FSTL5: variants seen among roughly 807,000 people sequenced by gnomAD.
The protein encoded by FSTL5 is follistatin like 5, also known as follistatin-related protein 5.
FSTL5 carries 62 observed loss-of-function variants against 89.1 expected under a neutral mutation model. The observed-to-expected ratio is 0.70, with a 90% CI of 0.57 to 0.86. The LOEUF (loss-of-function observed/expected upper bound fraction) is 0.86, where lower values mean the gene tolerates loss of function less well. Among genes scored for constraint, FSTL5 ranks in the 40% least tolerant of loss-of-function variants. The pLI is 0.00. For missense variants in FSTL5, 1,057 were observed against 1,001.6 expected (o/e 1.06, Z -0.75); for synonymous variants, 383 against 346.2 (o/e 1.11, Z -1.18).
intron 13 of FSTL5, among the ~76,000 whole-genome samples, chr4:161,480,767 G>C (rs895941363): frequency 6.6e-6 from 1 of 152,082 alleles, no homozygotes; most frequent in Non-Finnish European, 1.5e-5. Flanking sequence ...GATTTGTGTG[G>C]AGCTAGGCAG....
chr4:162,035,553 A>G (rs1213484284), intron 2 of FSTL5, among the ~76,000 whole-genome samples: 2 of 152,120 alleles, frequency 1.3e-5, no homozygotes, highest in Admixed American at 1.3e-4. Flanking sequence ...AGGAAATTTA[A>G]TAGGAAATAC....
intron 7 of FSTL5, among the ~76,000 whole-genome samples, chr4:161,598,297 C>A (rs1008864697): frequency 1.3e-5 from 2 of 152,122 alleles, no homozygotes; most frequent in Admixed American, 6.6e-5. Flanking sequence ...ATAGCTTGAA[C>A]CCGGAAGGCA....
At chr4:161,406,935 C>T (rs1403308821) in intron 15 of FSTL5, among the ~76,000 whole-genome samples, 2 of 152,158 alleles carry the variant, frequency 1.3e-5, no homozygotes, top group Non-Finnish European at 2.9e-5. Context: ...CTGCCTATTA[C>T]AGTGTTCAAT....
chr4:161,836,868 T>A (rs1223677836), intron 4 of FSTL5, among the ~76,000 whole-genome samples: 1 of 152,108 alleles, frequency 6.6e-6, no homozygotes, highest in East Asian at 1.9e-4. Context: ...TTTCCTTATT[T>A]TATGATTTGA....
intron 6 of FSTL5, among the ~76,000 whole-genome samples, chr4:161,676,635 C>T (rs1188906032): frequency 6.6e-6 from 1 of 151,460 alleles, no homozygotes; most frequent in Non-Finnish European, 1.5e-5. Context: ...CATATGTATC[C>T]CAGAACTTAA....
rs116301880 is a variant in FSTL5, at chr4:161,910,352, G to A, written c.409+10052C>T. Among the ~76,000 whole-genome samples, 809 of 151,980 alleles carry A rather than the reference G, an allele frequency of 5.3e-3. 7 individuals are homozygous for A. The highest frequency in any genetic ancestry group is 0.018 in the African/African-American group (744 of 41,454). ...AGTCCCTTGGCATTTTCTCTTTATT[G>A]TCATACTTATAGCTCATAAATATAT... On this transcript the variant is annotated intron_variant, in intron 4 of 15. Transcript: ENST00000306100.
intron 3 of FSTL5, among the ~76,000 whole-genome samples, chr4:161,983,704 C>T (rs1476043685): frequency 6.6e-6 from 1 of 152,052 alleles, no homozygotes; most frequent in Admixed American, 6.5e-5. Flanking sequence ...AAATTAGAGA[C>T]ATATCTTATG....
At chr4:161,809,273 C>T (rs1255982806) in intron 4 of FSTL5, among the ~76,000 whole-genome samples, 1 of 151,980 alleles carries the variant, frequency 6.6e-6, no homozygotes, top group Non-Finnish European at 1.5e-5. Context: ...TAACATCACA[C>T]CAATTAGAAT....
At chr4:161,812,386 G>A (rs910382916) in intron 4 of FSTL5, among the ~76,000 whole-genome samples, 9 of 152,142 alleles carry the variant, frequency 5.9e-5, no homozygotes, top group African/African-American at 2.2e-4. Context: ...CTGCAGAGAA[G>A]TGGCTCAGAA....
At chr4:161,446,554 A>G (rs1050988334) in intron 15 of FSTL5, among the ~76,000 whole-genome samples, 15 of 152,040 alleles carry the variant, frequency 9.9e-5, no homozygotes, top group Non-Finnish European at 1.8e-4. Flanking sequence ...AAAATAATAT[A>G]TCCACTTAAT....
intron 4 of FSTL5, among the ~76,000 whole-genome samples, chr4:161,783,497 C>CT (rs1209549893): frequency 1.3e-5 from 2 of 151,374 alleles, no homozygotes; most frequent in Non-Finnish European, 2.9e-5. Context: ...TTCTTTCTTT[C>CT]TTTTTTCTTT....
intron 8 of FSTL5, among the ~76,000 whole-genome samples, chr4:161,577,574 A>G (rs1424810682): frequency 6.6e-6 from 1 of 152,048 alleles, no homozygotes; most frequent in African/African-American, 2.4e-5. Context: ...GAGAACTGAA[A>G]GGTCTCACTG....
intron 1 of FSTL5, among the ~76,000 whole-genome samples, chr4:162,139,303 A>T (rs1207513459): frequency 6.6e-6 from 1 of 152,038 alleles, no homozygotes; most frequent in African/African-American, 2.4e-5. Context: ...CATATACCTT[A>T]ATGGAGTTCT....
chr4:161,436,304 A>C (rs1281972319), intron 15 of FSTL5, among the ~76,000 whole-genome samples: 1 of 152,086 alleles, frequency 6.6e-6, no homozygotes, highest in Non-Finnish European at 1.5e-5. Context: ...TTCTCAGGAG[A>C]TTTACATACT....
At chr4:162,078,460 T>C (rs1334272608) in intron 2 of FSTL5, among the ~76,000 whole-genome samples, 1 of 151,844 alleles carries the variant, frequency 6.6e-6, no homozygotes, top group Non-Finnish European at 1.5e-5. Context: ...AAGTTCATGG[T>C]ACAAGATGAG....
chr4:161,893,557 GAAC>G lies in FSTL5; in HGVS notation c.409+26844_409+26846del, dbSNP rs557359008. ...GCTTCATACTATTTCCAATCAAACA[GAAC>G]AATAGAAAAAAGTCACTAAATGTCA... On this transcript the variant is annotated intron_variant, in intron 4 of 15. Transcript: ENST00000306100. Among the ~76,000 whole-genome samples the G allele has an allele frequency of 1.5e-3, 230 of 152,076 alleles. 1 individual carries two copies. The highest frequency in any genetic ancestry group is 4.9e-3 in the African/African-American group (205 of 41,514).
At chr4:162,065,763 A>G (rs1047223020) in intron 2 of FSTL5, among the ~76,000 whole-genome samples, 54 of 152,050 alleles carry the variant, frequency 3.6e-4, no homozygotes, top group African/African-American at 1.3e-3. Context: ...CTTCAACTCT[A>G]TGTTCACTGT....
rs1739563718 is a variant in FSTL5 at position 161,730,329 on chromosome 4, T to C, written c.727+29082A>G. 3.9e-5 allele frequency among the ~76,000 whole-genome samples: 6 copies of C among 152,270 alleles called. No individual in the cohort carries two copies. In the South Asian group the frequency reaches 1.0e-3, roughly 26 times the overall value. ...GTTGTTTTGAGTCAGTGTTCAGTTA[T>C]ATAGTACTCTTCTGAACCCATTTAC... is the stretch of plus-strand genomic sequence containing the variant. On this transcript the variant is annotated intron_variant, in intron 6 of 15. Coordinates refer to ENST00000306100, the MANE Select transcript of FSTL5 (RefSeq NM_020116.5).
At chr4:161,405,248 G>T (rs1482613126) in intron 15 of FSTL5, among the ~76,000 whole-genome samples, 1 of 149,060 alleles carries the variant, frequency 6.7e-6, no homozygotes, top group East Asian at 2.0e-4. Context: ...AAAAAAAAGA[G>T]AAAATATTGC....
Sources: gnomAD v4.1 joint callset for allele counts (sites outside exome capture counted in the v4.1 genomes callset) on GRCh38, gnomAD v4.1.1 for gene constraint, MANE v1.5 for transcripts, NCBI Gene and HGNC (gene_info 2026-07-23, HGNC 2026-07-21) for gene names.